ITGB1: variants seen among roughly 807,000 people sequenced by gnomAD.
The protein encoded by ITGB1 is integrin beta-1.
Under a neutral mutation model 86.5 loss-of-function variants are expected in ITGB1, and 24 were observed. The observed-to-expected ratio is 0.28, with a 90% CI of 0.20 to 0.39. ITGB1 has a LOEUF of 0.39. Among genes scored for constraint, ITGB1 ranks in the 10% least tolerant of loss-of-function variants. The pLI, the probability that ITGB1 is intolerant of heterozygous loss-of-function variation, is 1.00. For missense variants in ITGB1, 556 were observed against 946.9 expected (o/e 0.59, Z 5.42); for synonymous variants, 323 against 316.8 (o/e 1.02, Z -0.21).
At chr10:32,938,519 T>G (rs2095009666) in intron 1 of ITGB1, among the ~76,000 whole-genome samples, 1 of 152,220 alleles carries the variant, frequency 6.6e-6, no homozygotes, top group African/African-American at 2.4e-5. Context: ...GGAGCCACAC[T>G]ACTTTAAATG....
At chr10:32,955,398 CTTG>C (rs1180917911) in intron 1 of ITGB1, among the ~76,000 whole-genome samples, 1 of 152,168 alleles carries the variant, frequency 6.6e-6, no homozygotes, top group East Asian at 1.9e-4. Context: ...ATACATGCAG[CTTG>C]TTACATATTC....
chr10:32,947,616 A>G (rs1459475697), intron 1 of ITGB1, among the ~76,000 whole-genome samples: 2 of 152,156 alleles, frequency 1.3e-5, no homozygotes, highest in Non-Finnish European at 2.9e-5. Flanking sequence ...AAGTTTCTCC[A>G]TGTTTTCTGT....
chr10:32,903,855 C>A (rs1310567918), intron 15 of ITGB1, among the ~76,000 whole-genome samples: 1 of 152,060 alleles, frequency 6.6e-6, no homozygotes, highest in East Asian at 1.9e-4. Flanking sequence ...AAATTACACT[C>A]CACATTTATA....
At chr10:32,932,770 T>A in intron 2 of ITGB1, 170 bp from the exon 3 acceptor site, 1 of 526,518 alleles carries the variant, frequency 1.9e-6, no homozygotes, top group Non-Finnish European at 3.4e-6. Context: ...TTTAATTTAA[T>A]TTTTAATTTT....
chr10:32,946,615 T>G (rs1345380230), intron 1 of ITGB1, among the ~76,000 whole-genome samples: 1 of 152,072 alleles, frequency 6.6e-6, no homozygotes, highest in East Asian at 1.9e-4. Context: ...GCATATTTAC[T>G]CTTACTTTAC....
intron 1 of ITGB1, among the ~76,000 whole-genome samples, chr10:32,950,825 T>G (rs1400401013): frequency 1.3e-5 from 2 of 152,102 alleles, no homozygotes; most frequent in African/African-American, 4.8e-5. Context: ...CACAAAACAA[T>G]TTGAAATCTG....
At chr10:32,912,989 AT>A in intron 11 of ITGB1, among the ~76,000 whole-genome samples, 1 of 152,276 alleles carries the variant, frequency 6.6e-6, no homozygotes, top group East Asian at 1.9e-4. Context: ...AGGCAGCAAC[AT>A]TTGCCATTCT....
chr10:32,923,607 A>G lies in ITGB1; in HGVS notation c.920T>C (p.Met307Thr), dbSNP rs762480349. The change falls in exon 7 of 16, where the codon ATG becomes ACG. Residue 307 changes from methionine to threonine, a missense_variant. Physicochemically the swap from Met to Thr is moderately conservative, Grantham distance 81 (BLOSUM62 -1). Transcript: ENST00000302278. ...NDGQCHLENN[M>T]YTMSHYYDYP... ...TACATAATAATGGCTCATTGTGTACATATTATTTTCCAGGTGACATTGTCC... is the reference window on the plus strand; with the variant it reads ...TACATAATAATGGCTCATTGTGTACGTATTATTTTCCAGGTGACATTGTCC... The G allele has an allele frequency of 6.2e-7, 1 of 1,613,648 alleles. No individual in the cohort carries two copies. Among genetic ancestry groups the G allele is most frequent in the South Asian group, 1.1e-5 (1 of 91,020 alleles).
At chr10:32,955,025 GGCT>G (rs1216306488) in intron 1 of ITGB1, among the ~76,000 whole-genome samples, 1 of 152,076 alleles carries the variant, frequency 6.6e-6, no homozygotes, top group Non-Finnish European at 1.5e-5. Context: ...CATATTGGAA[GGCT>G]GCTAATATTC....
At chr10:32,916,187 A>C (rs2094930876) in intron 11 of ITGB1, among the ~76,000 whole-genome samples, 1 of 152,254 alleles carries the variant, frequency 6.6e-6, no homozygotes, top group African/African-American at 2.4e-5. Context: ...ATTTATGATC[A>C]ACCCACAGCC....
intron 2 of ITGB1, 184 bp from the exon 3 acceptor site, chr10:32,932,784 G>T: frequency 2.0e-6 from 1 of 494,714 alleles, no homozygotes; most frequent in Non-Finnish European, 3.7e-6. Context: ...TAATTTTTGT[G>T]GGTAAATAGG....
Position 32,900,409 on chromosome 10 carries a change from A to T in ITGB1, c.*1161T>A, listed in dbSNP as rs2094878782. On this transcript the variant is annotated 3_prime_UTR_variant, in exon 16 of 16. Transcript: ENST00000302278. The stretch of plus-strand genomic sequence containing the variant: ...TCAAGACATCCGATTTAAGTATTTT[A>T]GGCATATTTAATAAATAACTTCAGT... The T allele has an allele frequency of 6.6e-6, 1 of 152,554 alleles. No individual in the cohort carries two copies. Among genetic ancestry groups the T allele is most frequent in the Admixed American group, 6.6e-5 (1 of 15,264 alleles). 9.5% of individuals were successfully genotyped at this position (152,554 alleles called of 1,614,324 possible).
At chr10:32,933,291 G>A (rs2094990188) in intron 2 of ITGB1, 1 of 152,100 alleles carries the variant, frequency 6.6e-6, no homozygotes, top group African/African-American at 2.4e-5. Flanking sequence ...TAAATGTCAT[G>A]AGTTCTCTTA....
At chr10:32,925,848 T>G in intron 6 of ITGB1, 23 bp downstream of exon 6, 1 of 1,326,742 alleles carries the variant, frequency 7.5e-7, no homozygotes, top group Non-Finnish European at 1.1e-6. Flanking sequence ...CAATATCCCC[T>G]GATAGGAAAT....
chr10:32,957,792 T>C (rs2095055704), intron 1 of ITGB1: 5 of 151,854 alleles, frequency 3.3e-5, no homozygotes, highest in Admixed American at 3.3e-4. Context: ...AGACCGCAGG[T>C]GTCAGGGGCC....
intron 11 of ITGB1, among the ~76,000 whole-genome samples, chr10:32,915,024 C>T (rs1193320857): frequency 6.6e-6 from 1 of 152,184 alleles, no homozygotes. Context: ...CTCAAAACTG[C>T]TCAACTGCAT....
At chr10:32,955,033 A>G (rs1282725914) in intron 1 of ITGB1, among the ~76,000 whole-genome samples, 1 of 152,150 alleles carries the variant, frequency 6.6e-6, no homozygotes, top group African/African-American at 2.4e-5. Context: ...AAGGCTGCTA[A>G]TATTCTGACT....
chr10:32,939,715 G>A (rs901274330), intron 1 of ITGB1, among the ~76,000 whole-genome samples: 17 of 126,076 alleles, frequency 1.3e-4, no homozygotes, highest in Non-Finnish European at 2.4e-4. Context: ...TGGATGGCTG[G>A]GTGGGTAAGT....
At chr10:32,946,011 A>G (rs568642000) in intron 1 of ITGB1, among the ~76,000 whole-genome samples, 4 of 152,380 alleles carry the variant, frequency 2.6e-5, no homozygotes, top group East Asian at 3.9e-4. Flanking sequence ...AATTGACATT[A>G]TAAGTTCTTG....
Sources: gnomAD v4.1 joint callset for allele counts (sites outside exome capture counted in the v4.1 genomes callset) on GRCh38, gnomAD v4.1.1 for gene constraint, MANE v1.5 for transcripts, NCBI Gene and HGNC (gene_info 2026-07-23, HGNC 2026-07-21) for gene names.